Variants in ADARB2 observed in about 807,000 individuals in gnomAD.
ADARB2 encodes the protein adenosine deaminase RNA specific B2 (inactive).
Under a neutral mutation model 62.2 loss-of-function variants are expected in ADARB2, and 25 were observed. The observed-to-expected ratio is 0.40, with a 90% confidence interval of 0.29 to 0.56. The LOEUF (loss-of-function observed/expected upper bound fraction) is 0.56. Ranked by LOEUF, ADARB2 falls within the 20% of genes least tolerant of loss-of-function variation. ADARB2 has a pLI of 0.43. For synonymous variants in ADARB2, 572 were observed against 500.8 expected (o/e 1.14, Z -1.90); for missense variants, 1,071 against 1,077.4 (o/e 0.99, Z 0.08).
chr10:1,355,734 T>A (rs1832188691), intron 3 of ADARB2, among the ~76,000 whole-genome samples: 1 of 152,194 alleles, frequency 6.6e-6, no homozygotes, highest in African/African-American at 2.4e-5. Flanking sequence ...TCACCTAACA[T>A]GTTTTAGTAG....
intron 3 of ADARB2, among the ~76,000 whole-genome samples, chr10:1,280,976 G>A (rs906845111): frequency 6.6e-6 from 1 of 152,222 alleles, no homozygotes; most frequent in Admixed American, 6.5e-5. Flanking sequence ...GGCTTTGGGG[G>A]CCGTGGGTTA....
chr10:1,473,447 A>T lies in ADARB2; in HGVS notation c.101-94287T>A, dbSNP rs540128957. On this transcript the variant is annotated intron_variant, in intron 1 of 9. Coordinates refer to ENST00000381312, the MANE Select transcript of ADARB2 (RefSeq NM_018702.4). ...GCTCGGGCTGGAGTGCAGTGGTGTG[A>T]TGTCTCACTGAAACCTTCACTTCCC... Among the ~76,000 whole-genome samples, 3 of 151,856 alleles carry T rather than the reference A, an allele frequency of 2.0e-5. No individual in the cohort carries two copies. In the East Asian group the frequency reaches 5.8e-4, roughly 29 times the overall value.
At chr10:1,284,088 C>A (rs1831391983) in intron 3 of ADARB2, among the ~76,000 whole-genome samples, 1 of 151,858 alleles carries the variant, frequency 6.6e-6, no homozygotes. Context: ...CCAAGGAGTT[C>A]ATCTGTTAAT....
At chr10:1,536,777 T>C (rs2131964748) in intron 1 of ADARB2, among the ~76,000 whole-genome samples, 1 of 152,274 alleles carries the variant, frequency 6.6e-6, no homozygotes, top group African/African-American at 2.4e-5. Context: ...AAACTGAAAT[T>C]GGACTCCTTC....
At chr10:1,632,318 A>G (rs1052122854) in intron 1 of ADARB2, among the ~76,000 whole-genome samples, 9 of 152,172 alleles carry the variant, frequency 5.9e-5, no homozygotes, top group Non-Finnish European at 4.4e-5. Context: ...ACACAGGCAC[A>G]CAATACTCAC....
chr10:1,391,549 T>C (rs1395237526), intron 1 of ADARB2, among the ~76,000 whole-genome samples: 2 of 152,214 alleles, frequency 1.3e-5, no homozygotes, highest in Admixed American at 6.5e-5. Context: ...AAAAGATCAA[T>C]GTTTTTGGAG....
At chr10:1,186,645 C>A in intron 8 of ADARB2, 1 of 489,784 alleles carries the variant, frequency 2.0e-6, no homozygotes, top group Middle Eastern at 3.2e-4. Context: ...CCCCTGAGTT[C>A]TCGGGGGCCC....
At chr10:1,728,176 T>G (rs1835190627) in intron 1 of ADARB2, among the ~76,000 whole-genome samples, 1 of 152,240 alleles carries the variant, frequency 6.6e-6, no homozygotes, top group African/African-American at 2.4e-5. Flanking sequence ...TAGATTTTTT[T>G]TATTAGTGGC....
chr10:1,186,282 CAG>C (rs1412629971), intron 8 of ADARB2, among the ~76,000 whole-genome samples: 1 of 152,090 alleles, frequency 6.6e-6, no homozygotes, highest in Non-Finnish European at 1.5e-5. Context: ...ACGTGGCCCT[CAG>C]ACGTCCATGG....
In ADARB2 at chr10:1,463,958, G is replaced by A. The variant is rs191449167; in HGVS notation, c.101-84798C>T. 2.2e-4 allele frequency among the ~76,000 whole-genome samples: 34 copies of A among 152,338 alleles called. No individual in the cohort carries two copies. The Middle Eastern group carries it at 0.01, about 46-fold the overall frequency. On this transcript the variant is annotated intron_variant, in intron 1 of 9. Transcript: ENST00000381312. ...CAGCACCATCAGTCATTAGGAAAGC[G>A]CAAACGCAAACCCCCATAAGACGCC...
At chr10:1,458,714 G>A (rs1014567806) in intron 1 of ADARB2, among the ~76,000 whole-genome samples, 20 of 152,102 alleles carry the variant, frequency 1.3e-4, no homozygotes, top group African/African-American at 2.9e-4. Flanking sequence ...TAACGAGGGC[G>A]GTAGCCACCT....
At chr10:1,711,486 T>C (rs1564201693) in intron 1 of ADARB2, among the ~76,000 whole-genome samples, 1 of 152,342 alleles carries the variant, frequency 6.6e-6, no homozygotes, top group East Asian at 1.9e-4. Flanking sequence ...ATTTTGTTCT[T>C]CTGCTCTTTG....
intron 3 of ADARB2, among the ~76,000 whole-genome samples, chr10:1,352,690 C>T (rs971057647): frequency 6.6e-6 from 1 of 152,190 alleles, no homozygotes; most frequent in African/African-American, 2.4e-5. Flanking sequence ...TACTTTCTTC[C>T]TCATACCTGA....
chr10:1,678,389 TGTCCTTGGGGTGAGC>T (rs1834495325), intron 1 of ADARB2: 1 of 962,342 alleles, frequency 1.0e-6, no homozygotes, highest in African/African-American at 1.8e-5. Flanking sequence ...TCGGGCTGAG[TGTCCTTGGGGTGAGC>T]GTCTGCGCAC....
chr10:1,541,952 A>G lies in ADARB2; in HGVS notation c.101-162792T>C, dbSNP rs1485852518. Among the ~76,000 whole-genome samples the G allele has an allele frequency of 6.4e-4, 17 of 26,402 alleles. 1 individual carries two copies. The highest frequency in any genetic ancestry group is 1.4e-3 in the South Asian group (1 of 716). The allele number at this position is 26,402 out of a possible 152,430, so 17.3% of individuals were successfully genotyped here. ...TCCAGACCCCACTCAGACGCAGTTCAGACCCTGGATCACAGCCGTCCAGAC... is the reference window on the plus strand; with the variant it reads ...TCCAGACCCCACTCAGACGCAGTTCGGACCCTGGATCACAGCCGTCCAGAC... On this transcript the variant is annotated intron_variant, in intron 1 of 9. Transcript: ENST00000381312.
intron 1 of ADARB2, among the ~76,000 whole-genome samples, chr10:1,685,081 C>A (rs756088321): frequency 6.6e-6 from 1 of 152,106 alleles, no homozygotes; most frequent in Non-Finnish European, 1.5e-5. Context: ...AGGACCATGT[C>A]GAGTCTGGAG....
At chr10:1,209,545 C>CTA (rs1345596857) in intron 7 of ADARB2, among the ~76,000 whole-genome samples, 565 of 36,354 alleles carry the variant, frequency 0.016, 4 homozygotes, top group African/African-American at 0.035. Context: ...TCGCCCACAC[C>CTA]CATGCCATCA....
intron 4 of ADARB2, among the ~76,000 whole-genome samples, chr10:1,268,294 G>A (rs1286216150): frequency 6.6e-6 from 1 of 152,086 alleles, no homozygotes; most frequent in Admixed American, 6.5e-5. Context: ...GGGAGAATAC[G>A]GCTTTTCATT....
chr10:1,579,697 A>T (rs1284783995), intron 1 of ADARB2, among the ~76,000 whole-genome samples: 1 of 152,244 alleles, frequency 6.6e-6, no homozygotes, highest in African/African-American at 2.4e-5. Flanking sequence ...CTAGTTTATC[A>T]TGTGAGAAAG....
Sources: allele counts gnomAD v4.1 joint callset (sites outside exome capture counted in the v4.1 genomes callset), GRCh38; gene constraint gnomAD v4.1.1; transcripts MANE v1.5; gene names NCBI Gene and HGNC (gene_info 2026-07-23, HGNC 2026-07-21).